Variants in ELP2 observed in about 807,000 individuals in gnomAD.
The protein encoded by ELP2 is elongator complex protein 2.
ELP2 carries 90 observed loss-of-function variants against 119.2 expected under a neutral mutation model. That is an observed-to-expected ratio of 0.75 (90% confidence interval 0.64 to 0.90). ELP2 has a LOEUF of 0.90. Ranked by LOEUF, ELP2 falls within the 40% of genes least tolerant of loss-of-function variation. The pLI, the probability that ELP2 is intolerant of heterozygous loss-of-function variation, is 0.00. For synonymous variants in ELP2, 339 were observed against 331.0 expected (o/e 1.02, Z -0.26); for missense variants, 921 against 967.8 (o/e 0.95, Z 0.64).
At chr18:36,148,759 G>T (rs1450663714) in intron 11 of ELP2, among the ~76,000 whole-genome samples, 1 of 152,118 alleles carries the variant, frequency 6.6e-6, no homozygotes, top group Non-Finnish European at 1.5e-5. Context: ...GCCTGTGGTC[G>T]CAGCTACTTG....
chr18:36,139,694 C>T (rs1308121111), intron 5 of ELP2: 6 of 1,277,178 alleles, frequency 4.7e-6, no homozygotes, highest in Non-Finnish European at 6.3e-6. Context: ...TTGAAAAACA[C>T]ATTGGTGGCA....
chr18:36,140,777 T>C (rs2089995476), intron 5 of ELP2, among the ~76,000 whole-genome samples: 1 of 152,212 alleles, frequency 6.6e-6, no homozygotes, highest in African/African-American at 2.4e-5. Flanking sequence ...ATAGTAGCTG[T>C]TCATTATTTA....
chr18:36,158,956 A>AT, intron 14 of ELP2, 52 bp downstream of exon 14: 2 of 1,233,808 alleles, frequency 1.6e-6, no homozygotes, highest in Non-Finnish European at 2.4e-6. Context: ...CTTAAACCCC[A>AT]GTCATACACT....
chr18:36,163,752 T>A (rs1598819111), intron 17 of ELP2, among the ~76,000 whole-genome samples: 1 of 152,332 alleles, frequency 6.6e-6, no homozygotes, highest in East Asian at 1.9e-4. Context: ...AAGTCGGTTG[T>A]TCATATATGT....
intron 8 of ELP2, among the ~76,000 whole-genome samples, chr18:36,143,202 T>G (rs912710841): frequency 6.6e-6 from 1 of 151,786 alleles, no homozygotes; most frequent in African/African-American, 2.4e-5. Context: ...TTCAAGTGAT[T>G]CTCCTGCCTC....
chr18:36,149,744 C>A (rs2090337819), intron 11 of ELP2, among the ~76,000 whole-genome samples: 1 of 151,952 alleles, frequency 6.6e-6, no homozygotes, highest in Admixed American at 6.6e-5. Context: ...AAAAATCTAG[C>A]AGGGACACTC....
chr18:36,143,146 A>C (rs969047558), intron 8 of ELP2, among the ~76,000 whole-genome samples, 180 bp downstream of exon 8: 2 of 150,696 alleles, frequency 1.3e-5, no homozygotes, highest in Non-Finnish European at 3.0e-5. Context: ...CCTCGGCTGG[A>C]GTGCAGTGGC....
chr18:36,142,367 A>G lies in ELP2; in HGVS notation c.655+20A>G, dbSNP rs2090061713. The stretch of plus-strand genomic sequence containing the variant: ...CCTTTGGTCAGTATGAAATTTTGCT[A>G]ATGCACATACAATGGGAACAAATAT... On this transcript the variant is annotated intron_variant, in intron 7 of 21. Coordinates refer to ENST00000358232, the MANE Select transcript of ELP2 (RefSeq NM_018255.4). 5 of 1,601,204 alleles carry G rather than the reference A, an allele frequency of 3.1e-6. No individual in the cohort carries two copies. Among genetic ancestry groups the G allele is most frequent in the Non-Finnish European group, 4.3e-6 (5 of 1,168,288 alleles).
intron 19 of ELP2, among the ~76,000 whole-genome samples, chr18:36,169,171 C>T (rs2091001687): frequency 1.3e-5 from 2 of 151,740 alleles, no homozygotes; most frequent in African/African-American, 4.8e-5. Context: ...AGCAGTCCAC[C>T]CATCTCGACC....
intron 9 of ELP2, 88 bp from the exon 10 acceptor site, chr18:36,145,860 A>C: frequency 9.5e-7 from 1 of 1,053,686 alleles, no homozygotes; most frequent in Non-Finnish European, 1.5e-6. Flanking sequence ...ACATCCTTGC[A>C]GTACCCATGT....
At chr18:36,154,795 C>T in intron 11 of ELP2, 55 bp from the exon 12 acceptor site, 1 of 1,607,150 alleles carries the variant, frequency 6.2e-7, no homozygotes, top group South Asian at 1.1e-5. Flanking sequence ...GAGTGCTTTA[C>T]TTTGGTGGTA....
chr18:36,157,120 G>A (rs908035674), intron 13 of ELP2, among the ~76,000 whole-genome samples: 39 of 152,120 alleles, frequency 2.6e-4, no homozygotes, highest in Admixed American at 2.6e-3. Context: ...TTGGAATAAC[G>A]AGAACATGTT....
intron 18 of ELP2, among the ~76,000 whole-genome samples, chr18:36,166,514 T>G (rs1404018557): frequency 6.6e-6 from 1 of 151,646 alleles, no homozygotes. Flanking sequence ...GTATTTTTAG[T>G]AGAGACGGGG....
At position 36,161,877 on chromosome 18, in the gene ELP2, T is replaced by C. The variant is rs528476218; in HGVS notation, c.1761+873T>C. Among the ~76,000 whole-genome samples the C allele has an allele frequency of 4.3e-4, 65 of 152,236 alleles. 1 individual carries two copies. The highest frequency in any genetic ancestry group is 1.5e-3 in the African/African-American group (62 of 41,544). ...GTACTGAGAGGACTTCCTTCTCTTA[T>C]AGGAGCCTTTGGGAAAAATGGAATT... On this transcript the variant is annotated intron_variant, in intron 17 of 21. Transcript: ENST00000358232.
At chr18:36,174,016 ATT>A (rs888381991) in intron 21 of ELP2, among the ~76,000 whole-genome samples, 1 of 152,120 alleles carries the variant, frequency 6.6e-6, no homozygotes, top group Non-Finnish European at 1.5e-5. Flanking sequence ...TAAATCTGTC[ATT>A]GTCTTTCTTT....
intron 17 of ELP2, among the ~76,000 whole-genome samples, chr18:36,161,723 C>G (rs1226203029): frequency 6.6e-6 from 1 of 152,198 alleles, no homozygotes; most frequent in Non-Finnish European, 1.5e-5. Context: ...GAGCCGCCCA[C>G]CTGCATGGGC....
intron 19 of ELP2, 165 bp from the exon 20 acceptor site, chr18:36,169,898 G>A (rs1219807191): frequency 2.3e-6 from 2 of 886,746 alleles, no homozygotes; most frequent in East Asian, 5.3e-5. Context: ...TCTTTCTGAT[G>A]CTTGAAATGC....
chr18:36,140,051 C>T (rs1020944131), intron 5 of ELP2, among the ~76,000 whole-genome samples: 1 of 152,018 alleles, frequency 6.6e-6, no homozygotes, highest in East Asian at 1.9e-4. Flanking sequence ...TTTATGTTGC[C>T]CAGGCTGGTC....
At chr18:36,159,518 G>A (rs540461037) in intron 14 of ELP2, among the ~76,000 whole-genome samples, 1 of 152,276 alleles carries the variant, frequency 6.6e-6, no homozygotes, top group South Asian at 2.1e-4. Flanking sequence ...CAAAGAAAAT[G>A]GAAAGAACCT....
Sources: gnomAD v4.1 joint callset for allele counts (sites outside exome capture counted in the v4.1 genomes callset) on GRCh38, gnomAD v4.1.1 for gene constraint, MANE v1.5 for transcripts, NCBI Gene and HGNC (gene_info 2026-07-23, HGNC 2026-07-21) for gene names.